The following ARHGAP23 variants were observed in gnomAD, a reference collection of about 807,000 sequenced individuals.
ARHGAP23 encodes the protein rho GTPase-activating protein 23.
A neutral mutation model predicts 136.3 loss-of-function variants in ARHGAP23; 34 were observed. The ratio of observed to expected loss-of-function variants is 0.25; its 90% CI spans 0.19 to 0.33. The LOEUF (loss-of-function observed/expected upper bound fraction) is 0.33, where lower values mean the gene tolerates loss of function less well. ARHGAP23 is among the 10% of genes least tolerant of loss of function. The pLI is 1.00. For missense variants in ARHGAP23, 1,808 were observed against 2,139.0 expected (o/e 0.85, Z 3.05); for synonymous variants, 832 against 920.5 (o/e 0.90, Z 1.74).
chr17:38,511,683 C>T lies in ARHGAP23; in HGVS notation c.*711C>T, dbSNP rs1363177267. 6.6e-6 allele frequency: 1 copy of T among 152,152 alleles called. No homozygotes were observed. The highest frequency in any genetic ancestry group is 1.5e-5 in the Non-Finnish European group (1 of 68,064). 9.4% of individuals were successfully genotyped at this position (152,152 alleles called of 1,614,324 possible). ...GGGTTACTCCCCAACATCCTTTTGC[C>T]TGAGTCACCCTCTAAGCGCTTTAAC... On this transcript the variant is annotated 3_prime_UTR_variant, in exon 24 of 24. Coordinates refer to ENST00000622683, the MANE Select transcript of ARHGAP23 (RefSeq NM_001199417.2).
rs1287071771 is a variant in ARHGAP23 at position 38,463,024 on chromosome 17, C to T, written c.349+83C>T. On this transcript the variant is annotated intron_variant, in intron 4 of 23. Transcript: ENST00000622683. ...TCAGATCCAGGTGTTGGGGAGGCTC[C>T]TGTCCCCACAGTGTTAGCCATGCCT... 4 of 1,529,678 alleles carry T rather than the reference C, an allele frequency of 2.6e-6. No homozygotes were observed. In the East Asian group the frequency reaches 9.8e-5, roughly 37 times the overall value. The allele number at this position is 1,529,678 out of a possible 1,614,324, so 94.8% of individuals were successfully genotyped here. A position where few individuals can be genotyped will look rare whatever the true frequency, so the allele number is the denominator to read the frequency against.
At chr17:38,431,189 A>G (rs2038678741) in intron 1 of ARHGAP23, among the ~76,000 whole-genome samples, 1 of 152,150 alleles carries the variant, frequency 6.6e-6, no homozygotes, top group Non-Finnish European at 1.5e-5. Context: ...ACACAGCCCA[A>G]GATCAAGGTC....
chr17:38,466,421 G>A lies in ARHGAP23; in HGVS notation c.738G>A (p.Gly246=). 6.5e-7 allele frequency: 1 copy of A among 1,528,980 alleles called. No individual in the cohort carries two copies. The highest frequency in any genetic ancestry group is 1.7e-4 in the Middle Eastern group (1 of 5,932). 94.7% of individuals were successfully genotyped at this position (1,528,980 alleles called of 1,614,324 possible). A position where few individuals can be genotyped will look rare whatever the true frequency, so the allele number is the denominator to read the frequency against. The change falls in exon 7 of 24, where the codon GGG becomes GGA. Residue 246 remains glycine, a synonymous_variant. Transcript: ENST00000622683. ...ARAHLDNSSL[G]MSQPRPSPGA... is the part of the protein sequence containing the mutation. ...CCCACCTGGACAACTCTTCCTTGGG[G>A]ATGAGCCAGCCCCGCCCCAGCCCTG... is the stretch of plus-strand genomic sequence containing the variant.
intron 17 of ARHGAP23, among the ~76,000 whole-genome samples, chr17:38,486,418 G>A (rs1415893551): frequency 6.6e-6 from 1 of 151,828 alleles, no homozygotes. Context: ...TTTCAGAGAT[G>A]GGGGGAGTTT....
intron 1 of ARHGAP23, among the ~76,000 whole-genome samples, chr17:38,454,454 C>T (rs2039276757): frequency 6.6e-6 from 1 of 152,110 alleles, no homozygotes; most frequent in South Asian, 2.1e-4. Context: ...GACGCTGGGG[C>T]TTCTAGGAAT....
chr17:38,422,184 T>C (rs962238827), intron 1 of ARHGAP23, among the ~76,000 whole-genome samples: 2 of 152,222 alleles, frequency 1.3e-5, no homozygotes, highest in Non-Finnish European at 2.9e-5. Flanking sequence ...CTGGGAGATC[T>C]TGGACAAGCT....
At chr17:38,463,298 C>G (rs1198477201) in intron 5 of ARHGAP23, 30 bp from the exon 6 acceptor site, 1 of 1,551,568 alleles carries the variant, frequency 6.4e-7, no homozygotes, top group Non-Finnish European at 8.7e-7. Context: ...TGTTCCTTGA[C>G]CCAGCCTGAC....
chr17:38,486,556 T>TTA (rs1318637200), intron 17 of ARHGAP23, among the ~76,000 whole-genome samples: 1 of 141,814 alleles, frequency 7.1e-6, no homozygotes, highest in Non-Finnish European at 1.6e-5. Flanking sequence ...TTTTTTTTTT[T>TTA]AACACAAAAG....
rs2039918498 is a variant in ARHGAP23, at chr17:38,477,367, TGG to T, written c.2119-210_2119-209del. On this transcript the variant is annotated intron_variant, in intron 11 of 23. Transcript: ENST00000622683. This position sits in a 1 kb window ranked among gnomAD's most constrained non-coding sequence, Gnocchi z 6.6. ...GGTCTGCTGGGGGGCTTTAGGATGA[TGG>T]GTAGGGGTGTCTAGGCAGGCAAGGG... 6.8e-6 allele frequency among the ~76,000 whole-genome samples: 1 copy of T among 148,106 alleles called. No individual in the cohort carries two copies. The highest frequency in any genetic ancestry group is 2.0e-4 in the East Asian group (1 of 4,976).
chr17:38,494,821 G>C (rs2040355259), intron 20 of ARHGAP23, among the ~76,000 whole-genome samples: 1 of 152,190 alleles, frequency 6.6e-6, no homozygotes, highest in Non-Finnish European at 1.5e-5. Context: ...GGAAAGAACA[G>C]CACGTGCAGA....
chr17:38,462,853 C>T lies in ARHGAP23; in HGVS notation c.261C>T (p.Ser87=), dbSNP rs1398110203. 1.3e-6 allele frequency: 2 copies of T among 1,517,018 alleles called. No individual in the cohort carries two copies. The highest frequency in any genetic ancestry group is 1.8e-6 in the Non-Finnish European group (2 of 1,134,750). 94.0% of individuals were successfully genotyped at this position (1,517,018 alleles called of 1,614,324 possible). Residue 87 remains serine (S), a synonymous_variant, in exon 4 of 24, where the codon TCC becomes TCT. Coordinates refer to ENST00000622683, the MANE Select transcript of ARHGAP23 (RefSeq NM_001199417.2). ...EENGGRGGGP[S]PRYRLEPMDT... is the part of the protein sequence containing the mutation. ...CTGGCTGATGCCCACTAGGACCCTC[C>T]CCCCGGTACCGCCTGGAGCCCATGG... is the stretch of plus-strand genomic sequence containing the variant.
rs1356655310 is a variant in ARHGAP23 at position 38,511,351 on chromosome 17, G to C, written c.*379G>C. ...AGTTTCAGACTAAAGGAAAGATCCT[G>C]GGTGATGCTGGCTTTTTGCTTCTTT... On this transcript the variant is annotated 3_prime_UTR_variant, in exon 24 of 24. Transcript: ENST00000622683. 4.6e-6 allele frequency: 1 copy of C among 219,340 alleles called. No individual in the cohort carries two copies. The highest frequency in any genetic ancestry group is 1.7e-4 in the South Asian group (1 of 5,780). The allele number at this position is 219,340 out of a possible 1,614,324, so 13.6% of individuals were successfully genotyped here.
At position 38,466,435 on chromosome 17, in the gene ARHGAP23, G is replaced by T. The variant is rs570262954; in HGVS notation, c.752G>T (p.Arg251Leu). 18 of 1,525,664 alleles carry T rather than the reference G, an allele frequency of 1.2e-5. No individual in the cohort carries two copies. The highest frequency in any genetic ancestry group is 2.0e-5 in the Admixed American group (1 of 49,984). 94.5% of individuals were successfully genotyped at this position (1,525,664 alleles called of 1,614,324 possible). ...DNSSLGMSQP[R>L]PSPGAFPHLS... is the part of the protein sequence containing the mutation. ...TCTTCCTTGGGGATGAGCCAGCCCCGCCCCAGCCCTGGTGCCTTCCCCCAC... is the reference window on the plus strand; with the variant it reads ...TCTTCCTTGGGGATGAGCCAGCCCCTCCCCAGCCCTGGTGCCTTCCCCCAC... Residue 251 changes from arginine to leucine, a missense_variant, in exon 7 of 24, where the codon CGC (arginine) becomes CTC (leucine). Transcript: ENST00000622683.
intron 18 of ARHGAP23, 127 bp downstream of exon 18, chr17:38,490,302 G>A (rs1250743714): frequency 1.7e-6 from 2 of 1,158,520 alleles, no homozygotes; most frequent in East Asian, 5.1e-5. Context: ...CTCCACTCAG[G>A]GCCTCAGTTT....
At chr17:38,437,629 C>A (rs532257419) in intron 1 of ARHGAP23, among the ~76,000 whole-genome samples, 14 of 151,894 alleles carry the variant, frequency 9.2e-5, no homozygotes, top group Non-Finnish European at 1.6e-4. Flanking sequence ...CCTACCCCCC[C>A]CAAAAAATAT....
chr17:38,491,505 C>T lies in ARHGAP23; in HGVS notation c.3249C>T (p.Tyr1083=). Residue 1083 remains tyrosine (Y), a synonymous_variant, in exon 20 of 24, where the codon TAC becomes TAT. Coordinates refer to ENST00000622683, the MANE Select transcript of ARHGAP23 (RefSeq NM_001199417.2). ...TDMVTHMPDR[Y]KIVETLIQHS... is the part of the protein sequence containing the mutation. ...TGGTGACCCACATGCCTGACCGCTA[C>T]AAGATCGTGGAGACACTGATCCAGC... is the stretch of plus-strand genomic sequence containing the variant. 1 of 1,549,594 alleles carries T rather than the reference C, an allele frequency of 6.5e-7. No individual in the cohort carries two copies. The highest frequency in any genetic ancestry group is 1.2e-5 in the South Asian group (1 of 83,968).
intron 23 of ARHGAP23, chr17:38,501,244 C>T (rs901853151): frequency 6.6e-6 from 1 of 152,086 alleles, no homozygotes; most frequent in Non-Finnish European, 1.5e-5. Flanking sequence ...CACAGATTAT[C>T]AGTATCAGGG....
chr17:38,511,006 T>A lies in ARHGAP23; in HGVS notation c.*34T>A. On this transcript the variant is annotated 3_prime_UTR_variant, in exon 24 of 24. Coordinates refer to ENST00000622683, the MANE Select transcript of ARHGAP23 (RefSeq NM_001199417.2). ...TCCCGCGCCGCTCGGGCGCCACCCC[T>A]CCCTAGAGCCCCTTTGGAACCAGGA... 1 of 1,396,830 alleles carries A rather than the reference T, an allele frequency of 7.2e-7. No homozygotes were observed. Among genetic ancestry groups the A allele is most frequent in the East Asian group, 3.0e-5 (1 of 33,094 alleles). 86.5% of individuals were successfully genotyped at this position (1,396,830 alleles called of 1,614,324 possible). A position where few individuals can be genotyped will look rare whatever the true frequency, so the allele number is the denominator to read the frequency against.
At chr17:38,491,322 A>C (rs558405211) in intron 19 of ARHGAP23, 85 bp from the exon 20 acceptor site, 1 of 1,521,722 alleles carries the variant, frequency 6.6e-7, no homozygotes, top group Non-Finnish European at 8.9e-7. Context: ...GTGAGGATGT[A>C]GTTGGGGACA....
Sources: gnomAD v4.1 joint callset for allele counts (sites outside exome capture counted in the v4.1 genomes callset) on GRCh38, gnomAD v4.1.1 for gene constraint, Gnocchi (gnomAD v3.1) non-coding constraint, MANE v1.5 for transcripts, NCBI Gene and HGNC (gene_info 2026-07-23, HGNC 2026-07-21) for gene names.